STPG2: variants seen among roughly 807,000 people sequenced by gnomAD.
STPG2 encodes the protein sperm tail PG-rich repeat containing 2, also known as sperm-tail PG-rich repeat-containing protein 2.
STPG2 carries 56 observed loss-of-function variants against 54.2 expected under a neutral mutation model. That is an observed-to-expected ratio of 1.03 (90% CI 0.83 to 1.29). The LOEUF (loss-of-function observed/expected upper bound fraction) is 1.29. Among genes scored for constraint, STPG2 ranks in the 50% most tolerant of loss-of-function variants. STPG2 has a pLI of 0.00. For missense variants in STPG2, 596 were observed against 544.9 expected (o/e 1.09, Z -0.93); for synonymous variants, 200 against 181.8 (o/e 1.10, Z -0.81).
intron 9 of STPG2, among the ~76,000 whole-genome samples, chr4:97,725,937 C>A (rs1213525149): frequency 6.6e-6 from 1 of 151,626 alleles, no homozygotes; most frequent in Admixed American, 6.6e-5. Context: ...AAAAAAAAAT[C>A]AAAATGCCTT....
At chr4:98,052,870 C>T (rs773716086) in intron 5 of STPG2, among the ~76,000 whole-genome samples, 3 of 152,114 alleles carry the variant, frequency 2.0e-5, no homozygotes, top group Non-Finnish European at 2.9e-5. Flanking sequence ...AACAACCACC[C>T]GATGCTAAAT....
intron 8 of STPG2, among the ~76,000 whole-genome samples, chr4:97,919,742 A>T (rs1406133042): frequency 6.6e-6 from 1 of 152,200 alleles, no homozygotes; most frequent in Non-Finnish European, 1.5e-5. Context: ...TTAAGAAAGA[A>T]TAACTCAATC....
chr4:98,112,488 G>C (rs1018761917), intron 3 of STPG2, among the ~76,000 whole-genome samples: 9 of 152,076 alleles, frequency 5.9e-5, no homozygotes, highest in Admixed American at 1.3e-4. Flanking sequence ...CCCTATCATT[G>C]ATTGACACAT....
At chr4:97,829,077 G>A (rs1728354934) in intron 9 of STPG2, among the ~76,000 whole-genome samples, 1 of 152,140 alleles carries the variant, frequency 6.6e-6, no homozygotes, top group Non-Finnish European at 1.5e-5. Flanking sequence ...ATCCTGACTG[G>A]GAGACATCTC....
At chr4:98,037,328 C>G (rs924217093) in intron 5 of STPG2, among the ~76,000 whole-genome samples, 1 of 151,962 alleles carries the variant, frequency 6.6e-6, no homozygotes, top group African/African-American at 2.4e-5. Flanking sequence ...AAAATGTATT[C>G]ACATACTTTA....
chr4:98,068,195 C>G (rs1222184937), intron 5 of STPG2, among the ~76,000 whole-genome samples: 2 of 152,156 alleles, frequency 1.3e-5, no homozygotes, highest in Non-Finnish European at 2.9e-5. Flanking sequence ...CTTTCCTTAC[C>G]TCTTCCTCTA....
chr4:97,652,241 A>G (rs1384247715), intron 10 of STPG2, among the ~76,000 whole-genome samples: 1 of 151,966 alleles, frequency 6.6e-6, no homozygotes, highest in Non-Finnish European at 1.5e-5. Flanking sequence ...TAAAAGTGCT[A>G]GCATGTCCTC....
intron 3 of STPG2, among the ~76,000 whole-genome samples, chr4:98,117,386 T>C (rs1489393112): frequency 1.3e-5 from 2 of 152,040 alleles, no homozygotes; most frequent in Non-Finnish European, 2.9e-5. Context: ...TTGACTGTGA[T>C]GTGTCTAGGT....
chr4:97,549,348 C>T (rs915258706), intron 4 of STPG2, among the ~76,000 whole-genome samples: 1 of 152,148 alleles, frequency 6.6e-6, no homozygotes, highest in Non-Finnish European at 1.5e-5. Flanking sequence ...CTCTGACTTG[C>T]TCAAAATTAG....
At chr4:97,963,194 ATAAT>A (rs1173182287) in intron 7 of STPG2, among the ~76,000 whole-genome samples, 1 of 152,040 alleles carries the variant, frequency 6.6e-6, no homozygotes, top group Non-Finnish European at 1.5e-5. Context: ...CAAAAAAACA[ATAAT>A]TATTTTTATC....
chr4:97,958,338 C>A (rs952276691), intron 7 of STPG2, among the ~76,000 whole-genome samples: 1 of 151,656 alleles, frequency 6.6e-6, no homozygotes, highest in Admixed American at 6.6e-5. Context: ...AGAAAAAAAC[C>A]AAGGTATACA....
chr4:97,894,543 T>A (rs1352537453), intron 8 of STPG2, among the ~76,000 whole-genome samples: 7 of 151,916 alleles, frequency 4.6e-5, no homozygotes, highest in African/African-American at 1.4e-4. Flanking sequence ...TCTGATGGGT[T>A]CAACTTTTCT....
intron 2 of STPG2, among the ~76,000 whole-genome samples, chr4:98,131,746 G>C (rs975811734): frequency 1.3e-5 from 2 of 151,974 alleles, no homozygotes; most frequent in African/African-American, 4.8e-5. Context: ...CCACATACTA[G>C]TATTCTGCAC....
intron 5 of STPG2, among the ~76,000 whole-genome samples, chr4:98,021,446 G>T (rs1479966292): frequency 6.6e-6 from 1 of 151,452 alleles, no homozygotes; most frequent in South Asian, 2.1e-4. Flanking sequence ...CAACTATGTG[G>T]TCAATTTTGG....
At chr4:98,014,373 G>T (rs952691434) in intron 5 of STPG2, among the ~76,000 whole-genome samples, 4 of 152,070 alleles carry the variant, frequency 2.6e-5, no homozygotes, top group African/African-American at 9.7e-5. Flanking sequence ...TCTCAGGTGG[G>T]CTGCGGCAAC....
intron 10 of STPG2, among the ~76,000 whole-genome samples, chr4:97,572,422 TG>T (rs1170461057): frequency 6.6e-6 from 1 of 152,178 alleles, no homozygotes; most frequent in Non-Finnish European, 1.5e-5. Flanking sequence ...ATATCTTGGT[TG>T]AAGATCTTGT....
intron 10 of STPG2, among the ~76,000 whole-genome samples, chr4:97,679,896 T>C (rs2148977756): frequency 6.6e-6 from 1 of 151,772 alleles, no homozygotes; most frequent in Non-Finnish European, 1.5e-5. Flanking sequence ...CCTTTCCCCA[T>C]TGCTTGTTTT....
intron 7 of STPG2, among the ~76,000 whole-genome samples, chr4:97,944,897 T>C (rs988325118): frequency 6.6e-6 from 1 of 152,118 alleles, no homozygotes; most frequent in African/African-American, 2.4e-5. Flanking sequence ...ACCTATCCAC[T>C]CCAGATAATA....
At chr4:97,540,895 A>G (rs1731682996) in intron 4 of STPG2, among the ~76,000 whole-genome samples, 1 of 152,194 alleles carries the variant, frequency 6.6e-6, no homozygotes, top group African/African-American at 2.4e-5. Context: ...TAGATGCAGA[A>G]AAGGCCTTTG....
Sources: allele counts gnomAD v4.1 joint callset (sites outside exome capture counted in the v4.1 genomes callset), GRCh38; gene constraint gnomAD v4.1.1; transcripts MANE v1.5; gene names NCBI Gene and HGNC (gene_info 2026-07-23, HGNC 2026-07-21).